Variants in TENM1 observed in about 807,000 individuals in gnomAD.
TENM1 encodes the protein teneurin-1.
Under a neutral mutation model 174.8 loss-of-function variants are expected in TENM1, and 35 were observed. The observed-to-expected ratio is 0.20, with a 90% CI of 0.15 to 0.27. The LOEUF is 0.27. Among genes scored for constraint, TENM1 ranks in the 10% least tolerant of loss-of-function variants. TENM1 has a pLI of 1.00. For synonymous variants in TENM1, 781 were observed against 798.7 expected (o/e 0.98, Z 0.37); for missense variants, 1,633 against 2,130.1 (o/e 0.77, Z 4.59).
chrX:124,546,112 A>G (rs898182330), intron 15 of TENM1, among the ~76,000 whole-genome samples: 1 of 111,771 alleles, frequency 8.9e-6, no homozygotes, highest in Non-Finnish European at 1.9e-5. Context: ...AGGGAGTGGG[A>G]TGTAGACAGG....
intron 25 of TENM1, chrX:124,411,803 G>A (rs1187804678): frequency 1.8e-5 from 2 of 112,301 alleles, no homozygotes. Flanking sequence ...GCTTACTTGA[G>A]TTTTTTCTGT....
At chrX:124,926,664 T>C (rs2058096022) in intron 1 of TENM1, among the ~76,000 whole-genome samples, 1 of 111,886 alleles carries the variant, frequency 8.9e-6, no homozygotes, top group Admixed American at 9.5e-5. Context: ...TTTTAACAAA[T>C]TTTAGTACAC....
chrX:124,523,191 C>T (rs1232111907), intron 17 of TENM1, among the ~76,000 whole-genome samples, 173 bp downstream of exon 20: 1 of 112,062 alleles, frequency 8.9e-6, no homozygotes, highest in Non-Finnish European at 1.9e-5. Flanking sequence ...AATGCCCTGA[C>T]CAATTGTCTT....
intron 18 of TENM1, among the ~76,000 whole-genome samples, chrX:124,507,609 C>T (rs1404826026): frequency 8.9e-6 from 1 of 111,943 alleles, no homozygotes; most frequent in Non-Finnish European, 1.9e-5. Context: ...AATGTTCATT[C>T]TACTTATCAG....
At chrX:124,858,551 T>C (rs1355383474) in intron 3 of TENM1, among the ~76,000 whole-genome samples, 1 of 111,873 alleles carries the variant, frequency 8.9e-6, no homozygotes, top group Non-Finnish European at 1.9e-5. Context: ...CTGAGTTATA[T>C]AGAGATAGGT....
At chrX:125,149,215 T>C in the TENM1 span, among the ~76,000 whole-genome samples, 3 of 112,415 alleles carry the variant, frequency 2.7e-5, no homozygotes, top group African/African-American at 9.7e-5. Context: ...GGAATGGATG[T>C]TATCACCTCC....
At chrX:124,485,914 C>A (rs1342994721) in intron 21 of TENM1, among the ~76,000 whole-genome samples, 3 of 112,053 alleles carry the variant, frequency 2.7e-5, no homozygotes, top group Non-Finnish European at 1.9e-5. Context: ...CTATTTTGCT[C>A]AGCCAGGCTG....
chrX:125,154,103 A>C, the TENM1 span, among the ~76,000 whole-genome samples: 1 of 112,325 alleles, frequency 8.9e-6, no homozygotes, highest in African/African-American at 3.2e-5. Context: ...ATAAAAAGAA[A>C]ATACAATCAA....
chrX:125,086,696 T>C, the TENM1 span, among the ~76,000 whole-genome samples: 1 of 110,573 alleles, frequency 9.0e-6, no homozygotes. Context: ...AATAGGCCAT[T>C]AAAAAAAGAA....
intron 3 of TENM1, among the ~76,000 whole-genome samples, chrX:124,748,302 C>T (rs945260287): frequency 9.1e-6 from 1 of 109,932 alleles, no homozygotes; most frequent in South Asian, 4.0e-4. Context: ...ATAGGGCTTT[C>T]TAGTGATAAA....
intron 24 of TENM1, 62 bp downstream of exon 27, chrX:124,422,209 TG>T: frequency 7.0e-6 from 8 of 1,150,970 alleles, no homozygotes; most frequent in Non-Finnish European, 9.3e-6. Flanking sequence ...TTGACTTTAC[TG>T]GGGCACGTTT....
chrX:124,468,005 T>G (rs1233781755), intron 22 of TENM1, among the ~76,000 whole-genome samples: 1 of 109,855 alleles, frequency 9.1e-6, no homozygotes, highest in Non-Finnish European at 1.9e-5. Context: ...GTGATCCGCC[T>G]GCCTCAGCCT....
rs1435063870 is a variant in TENM1, at chrX:124,411,652, T to C, written c.4983-5163A>G. On this transcript the variant is annotated intron_variant, in intron 25 of 31. Transcript: ENST00000422452. The stretch of plus-strand genomic sequence containing the variant: ...CTCAATATGGCCCTGGATCAAAACA[T>C]ACAGATCCCACCTCTCTTCTGTTGG... Among the ~76,000 whole-genome samples, 3 of 111,432 alleles carry C rather than the reference T, an allele frequency of 2.7e-5. No individual in the cohort carries two copies. In the East Asian group the frequency reaches 8.4e-4, roughly 31 times the overall value.
chrX:124,955,793 G>A (rs757027969), intron 1 of TENM1, among the ~76,000 whole-genome samples: 86 of 78,110 alleles, frequency 1.1e-3, no homozygotes, highest in Non-Finnish European at 1.6e-3. Flanking sequence ...CAACACACGC[G>A]CACGCACACA....
chrX:124,783,717 A>ATTTATTT (rs2054972058), intron 3 of TENM1, among the ~76,000 whole-genome samples: 1 of 111,749 alleles, frequency 8.9e-6, no homozygotes, highest in Non-Finnish European at 1.9e-5. Context: ...GTTTTTATTT[A>ATTTATTT]TTTATTTTTT....
At chrX:124,943,029 T>A (rs994070499) in intron 1 of TENM1, among the ~76,000 whole-genome samples, 1 of 111,618 alleles carries the variant, frequency 9.0e-6, no homozygotes, top group Non-Finnish European at 1.9e-5. Flanking sequence ...CTTCTTTGGT[T>A]CGAAGATTCT....
At position 124,817,225 on chromosome X, in the gene TENM1, T is replaced by G. The variant is rs141784025; in HGVS notation, c.535+77071A>C. On this transcript the variant is annotated intron_variant, in intron 3 of 31. Transcript: ENST00000422452. Reference sequence around the variant, plus strand: ...CCTGCAAAGGACATGAACTCATCATTTTTTATGGCTGCATAGTATTCCATG... The same window carrying G: ...CCTGCAAAGGACATGAACTCATCATGTTTTATGGCTGCATAGTATTCCATG... Among the ~76,000 whole-genome samples, 999 of 111,632 alleles carry G rather than the reference T, an allele frequency of 8.9e-3. 8 individuals are homozygous for G. The highest frequency in any genetic ancestry group is 0.031 in the African/African-American group (947 of 30,690).
chrX:124,592,692 C>A (rs769971780), intron 11 of TENM1, among the ~76,000 whole-genome samples: 2 of 109,961 alleles, frequency 1.8e-5, no homozygotes, highest in African/African-American at 3.3e-5. Flanking sequence ...CCCACCCCAC[C>A]GCTCCCCTTG....
chrX:124,382,534 C>T, intron 31 of TENM1, 136 bp downstream of exon 34: 1 of 572,013 alleles, frequency 1.7e-6, no homozygotes, highest in Non-Finnish European at 2.7e-6. Flanking sequence ...TATACCTTCT[C>T]ATTAATTGTG....
Sources: allele counts gnomAD v4.1 joint callset (sites outside exome capture counted in the v4.1 genomes callset), GRCh38; gene constraint gnomAD v4.1.1; transcripts MANE v1.5; gene names NCBI Gene and HGNC (gene_info 2026-07-23, HGNC 2026-07-21).